The following PCDHGA12 variants were observed in gnomAD, a reference collection of about 807,000 sequenced individuals.
The protein encoded by PCDHGA12 is protocadherin gamma-A12.
A neutral mutation model predicts 61.1 loss-of-function variants in PCDHGA12; 43 were observed. That is an observed-to-expected ratio of 0.70 (90% CI 0.55 to 0.91). The LOEUF is 0.91. PCDHGA12 is among the 40% of genes least tolerant of loss of function. The probability of loss-of-function intolerance (pLI) is 0.00; values close to 1 mark genes in which losing one functional copy is unlikely to be tolerated. For synonymous variants in PCDHGA12, 520 were observed against 542.9 expected (o/e 0.96, Z 0.59); for missense variants, 1,236 against 1,227.7 (o/e 1.01, Z -0.10).
At position 141,485,149 on chromosome 5, in the gene PCDHGA12, A is replaced by G; in HGVS notation, c.2425-9658A>G. 6.3e-7 allele frequency: 1 copy of G among 1,578,106 alleles called. No individual in the cohort carries two copies. Among genetic ancestry groups the G allele is most frequent in the South Asian group, 1.1e-5 (1 of 89,070 alleles). ...CGGCTTCATCCGCGTCTCAGGAGCA[A>G]GTAGAGAATTAGCGGGCGGCAGCAA... On this transcript the variant is annotated intron_variant, in intron 1 of 3. Transcript: ENST00000252085. This position sits in a 1 kb window ranked among gnomAD's most constrained non-coding sequence, Gnocchi z 5.7.
chr5:141,435,642 T>C lies in PCDHGA12; in HGVS notation c.2424+2459T>C, dbSNP rs1326178929. On this transcript the variant is annotated intron_variant, in intron 1 of 3. Coordinates refer to ENST00000252085, the MANE Select transcript of PCDHGA12 (RefSeq NM_003735.3). ...CATAACTTTTACAACTATGGGAAAA[T>C]TTCTGAAACGTGCACAGATTCCAAG... Among the ~76,000 whole-genome samples the C allele has an allele frequency of 2.0e-5, 3 of 152,156 alleles. No individual in the cohort carries two copies. The East Asian group carries it at 5.8e-4, about 29-fold the overall frequency.
chr5:141,487,323 G>A lies in PCDHGA12; in HGVS notation c.2425-7484G>A, dbSNP rs374901235. Reference sequence around the variant, plus strand: ...GTGGCACTACTCTCTAAGTGTCTTCGTGGGGCAGCCTGTGGAGTCACATGC... The same window carrying A: ...GTGGCACTACTCTCTAAGTGTCTTCATGGGGCAGCCTGTGGAGTCACATGC... On this transcript the variant is annotated intron_variant, in intron 1 of 3. Coordinates refer to ENST00000252085, the MANE Select transcript of PCDHGA12 (RefSeq NM_003735.3). The surrounding 1 kb of genome is among the most constrained non-coding windows in gnomAD (Gnocchi z 5.0). 4.0e-5 allele frequency: 65 copies of A among 1,613,982 alleles called. No homozygotes were observed. Among genetic ancestry groups the A allele is most frequent in the Non-Finnish European group, 4.7e-5 (56 of 1,180,012 alleles).
At chr5:141,466,974 C>G (rs1314224956) in intron 1 of PCDHGA12, among the ~76,000 whole-genome samples, 1 of 151,944 alleles carries the variant, frequency 6.6e-6, no homozygotes, top group Non-Finnish European at 1.5e-5. Context: ...TCTCACAGCT[C>G]ATCATTTACC....
At chr5:141,449,979 C>T (rs1382206842) in intron 1 of PCDHGA12, among the ~76,000 whole-genome samples, 1 of 148,862 alleles carries the variant, frequency 6.7e-6, no homozygotes, top group Non-Finnish European at 1.5e-5. Context: ...TCCAAAATAT[C>T]ACACATTGCA....
intron 1 of PCDHGA12, among the ~76,000 whole-genome samples, chr5:141,483,722 C>G (rs1043315057): frequency 6.6e-6 from 1 of 152,080 alleles, no homozygotes; most frequent in Non-Finnish European, 1.5e-5. Context: ...TATTGGTTCC[C>G]ACCATAGTCA....
At chr5:141,484,639 C>A (rs1366750263) in intron 1 of PCDHGA12, among the ~76,000 whole-genome samples, 1 of 151,938 alleles carries the variant, frequency 6.6e-6, no homozygotes, top group Non-Finnish European at 1.5e-5. Context: ...AGTGACCACT[C>A]TCCAATGGCT....
rs201006002 is a variant in PCDHGA12, at chr5:141,432,497, C to T, written c.1738C>T (p.Arg580Cys). 7 of 1,614,062 alleles carry T rather than the reference C, an allele frequency of 4.3e-6. 1 individual carries two copies. In the South Asian group the frequency reaches 6.6e-5, roughly 15 times the overall value. The change falls in exon 1 of 4, where the codon CGC (arginine) becomes TGC (cysteine). Residue 580 changes from arginine (R) to cysteine (C), a missense_variant. Transcript: ENST00000252085. This position sits in a 1 kb window ranked among gnomAD's most constrained non-coding sequence, Gnocchi z 6.0. ...DGSTGVELAP[R>C]SAEPGYLVTK... Reference sequence around the variant, plus strand: ...TTCCACTGGCGTGGAGCTGGCTCCCCGCTCCGCAGAGCCCGGCTACCTGGT... The same window carrying T: ...TTCCACTGGCGTGGAGCTGGCTCCCTGCTCCGCAGAGCCCGGCTACCTGGT...
chr5:141,505,377 C>G lies in PCDHGA12; in HGVS notation c.2484-16C>G, dbSNP rs1368451336. 1.9e-6 allele frequency: 3 copies of G among 1,614,036 alleles called. No homozygotes were observed. In the East Asian group the frequency reaches 6.7e-5, roughly 36 times the overall value. On this transcript the variant is annotated splice_polypyrimidine_tract_variant and intron_variant, in intron 2 of 3. Coordinates refer to ENST00000252085, the MANE Select transcript of PCDHGA12 (RefSeq NM_003735.3). Reference sequence around the variant, plus strand: ...CGGCCTGGGAGTCTGTGCTCACCATCCTACTCTCTCCCCAGCTCCCAAAAT... The same window carrying G: ...CGGCCTGGGAGTCTGTGCTCACCATGCTACTCTCTCCCCAGCTCCCAAAAT...
Position 141,491,383 on chromosome 5 carries a change from A to C in PCDHGA12, c.2425-3424A>C. The C allele has an allele frequency of 6.2e-7, 1 of 1,614,036 alleles. No individual in the cohort carries two copies. The highest frequency in any genetic ancestry group is 8.5e-7 in the Non-Finnish European group (1 of 1,179,962). ...AGTCACCTTCACCTTTCTGTCAGCG[A>C]AGTGCCTTCAGGGAAACGCAGACGG... On this transcript the variant is annotated intron_variant, in intron 1 of 3. Transcript: ENST00000252085. This position sits in a 1 kb window ranked among gnomAD's most constrained non-coding sequence, Gnocchi z 6.9.
rs1445356223 is a variant in PCDHGA12, at chr5:141,490,414, G to T, written c.2425-4393G>T. On this transcript the variant is annotated intron_variant, in intron 1 of 3. Transcript: ENST00000252085. This position sits in a 1 kb window ranked among gnomAD's most constrained non-coding sequence, Gnocchi z 5.4. ...TGAAGTGAGCCTTGATATCTCTCCGGACCTGCCATTTCAGATTAAGCCTTC... is the reference window on the plus strand; with the variant it reads ...TGAAGTGAGCCTTGATATCTCTCCGTACCTGCCATTTCAGATTAAGCCTTC... The T allele has an allele frequency of 1.2e-6, 2 of 1,614,138 alleles. No homozygotes were observed. The highest frequency in any genetic ancestry group is 1.7e-6 in the Non-Finnish European group (2 of 1,180,024).
At chr5:141,507,432 C>T (rs2099860585) in intron 3 of PCDHGA12, 1 of 152,198 alleles carries the variant, frequency 6.6e-6, no homozygotes. Flanking sequence ...GGGGCCAGGC[C>T]TACAGCTGAC....
chr5:141,479,521 T>A (rs4912607), intron 1 of PCDHGA12: 2 of 152,104 alleles, frequency 1.3e-5, no homozygotes, highest in Non-Finnish European at 2.9e-5. Context: ...CTGGCCCAGG[T>A]TGGAAGTGGA....
chr5:141,483,730 T>G (rs999201456), intron 1 of PCDHGA12, among the ~76,000 whole-genome samples: 1 of 152,014 alleles, frequency 6.6e-6, no homozygotes, highest in Non-Finnish European at 1.5e-5. Flanking sequence ...CCCACCATAG[T>G]CAAAAGGATA....
In PCDHGA12 at chr5:141,431,889, A is replaced by G; in HGVS notation, c.1130A>G (p.Glu377Gly). 1 of 1,614,170 alleles carries G rather than the reference A, an allele frequency of 6.2e-7. No homozygotes were observed. The highest frequency in any genetic ancestry group is 2.2e-5 in the East Asian group (1 of 44,888). Residue 377 changes from glutamate (E) to glycine (G), a missense_variant, in exon 1 of 4, where the codon GAG (glutamate) becomes GGG (glycine). Transcript: ENST00000252085. The surrounding 1 kb of genome is among the most constrained non-coding windows in gnomAD (Gnocchi z 4.8). The stretch of plus-strand genomic sequence containing the variant: ...TTAAATGTAAATGACCAAGATTCTG[A>G]GGAAAACGGACAGGTGATCTGTTTC... ...ALLNVNDQDS[E>G]ENGQVICFIQ... is the part of the protein sequence containing the mutation.
intron 3 of PCDHGA12, 110 bp downstream of exon 3, chr5:141,505,591 G>T: frequency 6.4e-7 from 1 of 1,570,280 alleles, no homozygotes; most frequent in Non-Finnish European, 8.7e-7. Flanking sequence ...AGTTTCTCCA[G>T]ATCTTTCGGC....
chr5:141,511,265 A>C lies in PCDHGA12; in HGVS notation c.*92A>C. The C allele has an allele frequency of 6.4e-7, 1 of 1,551,730 alleles. No individual in the cohort carries two copies. Among genetic ancestry groups the C allele is most frequent in the Non-Finnish European group, 8.7e-7 (1 of 1,148,178 alleles). ...ACCCAGGCCTCAGAGTTTCAGGGCT[A>C]ACCCCCAGAATACTGGTAGGGGCCA... On this transcript the variant is annotated 3_prime_UTR_variant, in exon 4 of 4. Coordinates refer to ENST00000252085, the MANE Select transcript of PCDHGA12 (RefSeq NM_003735.3).
At chr5:141,479,486 A>T (rs72790065) in intron 1 of PCDHGA12, 21,264 of 152,292 alleles carry the variant, frequency 0.14, 1,529 homozygotes, top group Admixed American at 0.16. Context: ...GGGCAGGACC[A>T]TCAGGTTGCC....
At position 141,511,235 on chromosome 5, in the gene PCDHGA12, C is replaced by G; in HGVS notation, c.*62C>G. On this transcript the variant is annotated 3_prime_UTR_variant, in exon 4 of 4. Transcript: ENST00000252085. ...CCCCAACCAGCCCAGCTTCTCCTTA[C>G]CTGCACCCAGGCCTCAGAGTTTCAG... 2 of 1,592,936 alleles carry G rather than the reference C, an allele frequency of 1.3e-6. No homozygotes were observed. The highest frequency in any genetic ancestry group is 1.7e-6 in the Non-Finnish European group (2 of 1,169,652).
At position 141,431,438 on chromosome 5, in the gene PCDHGA12, C is replaced by G. The variant is rs773812765; in HGVS notation, c.679C>G (p.Arg227Gly). The G allele has an allele frequency of 3.9e-5, 63 of 1,613,612 alleles. No homozygotes were observed. In the East Asian group the frequency reaches 1.4e-3, roughly 35 times the overall value. The part of the protein sequence containing the change: ...GGDPVRTGTA[R>G]IRVMVLDAND... ...CGACCCGGTGCGCACAGGCACCGCG[C>G]GCATCCGCGTGATGGTTCTGGATGC... is the stretch of plus-strand genomic sequence containing the variant. Residue 227 changes from arginine (R) to glycine (G), a missense_variant, in exon 1 of 4, where the codon CGC becomes GGC. Arg to Gly is a moderately radical substitution (Grantham distance 125). Coordinates refer to ENST00000252085, the MANE Select transcript of PCDHGA12 (RefSeq NM_003735.3). The surrounding 1 kb of genome is among the most constrained non-coding windows in gnomAD (Gnocchi z 4.8).
Sources: gnomAD v4.1 joint callset for allele counts (sites outside exome capture counted in the v4.1 genomes callset) on GRCh38, gnomAD v4.1.1 for gene constraint, Gnocchi (gnomAD v3.1) non-coding constraint, MANE v1.5 for transcripts, NCBI Gene and HGNC (gene_info 2026-07-23, HGNC 2026-07-21) for gene names.